Variants in ASCL1 observed in about 807,000 individuals in gnomAD.
ASCL1 encodes achaete-scute family bHLH transcription factor 1.
Under a neutral mutation model 16.1 loss-of-function variants are expected in ASCL1, and 2 were observed. That is an observed-to-expected ratio of 0.12 (90% CI 0.05 to 0.39). The LOEUF is 0.39. Among genes scored for constraint, ASCL1 ranks in the 10% least tolerant of loss-of-function variants. The pLI, the probability that ASCL1 is intolerant of heterozygous loss-of-function variation, is 0.99. For missense variants in ASCL1, 276 were observed against 336.9 expected (o/e 0.82, Z 1.41); for synonymous variants, 165 against 155.7 (o/e 1.06, Z -0.45).
At chr12:102,959,261 A>G in intron 1 of ASCL1, 101 bp from the exon 2 acceptor site, 1 of 440,028 alleles carries the variant, frequency 2.3e-6, no homozygotes. Flanking sequence ...ATGTTAAAAG[A>G]GATGTCTACC....
Position 102,958,929 on chromosome 12 carries a change from C to G in ASCL1, c.685C>G (p.Leu229Val). The G allele has an allele frequency of 6.2e-7, 1 of 1,613,760 alleles. No homozygotes were observed. Among genetic ancestry groups the G allele is most frequent in the Non-Finnish European group, 8.5e-7 (1 of 1,180,044 alleles). Residue 229 changes from leucine to valine, a missense_variant, in exon 1 of 2, where the codon CTT becomes GTT. Transcript: ENST00000266744. ...YDPLSPEEQE[L>V]LDFTNWF The stretch of plus-strand genomic sequence containing the variant: ...CCCGCTCAGCCCCGAGGAGCAGGAG[C>G]TTCTCGACTTCACCAACTGGTTCTG...
chr12:102,958,085 T>G lies in ASCL1; in HGVS notation c.-160T>G. 1 of 485,284 alleles carries G rather than the reference T, an allele frequency of 2.1e-6. No individual in the cohort carries two copies. The highest frequency in any genetic ancestry group is 2.0e-5 in the African/African-American group (1 of 49,534). The allele number at this position is 485,284 out of a possible 1,614,324, so 30.1% of individuals were successfully genotyped here. ...CACTCTAAGAAGTCTCCCGGGGATT[T>G]TGTATATATTTTTTAACTTCCGTCA... On this transcript the variant is annotated 5_prime_UTR_variant, in exon 1 of 2. Coordinates refer to ENST00000266744, the MANE Select transcript of ASCL1 (RefSeq NM_004316.4).
Position 102,958,282 on chromosome 12 carries a change from G to T in ASCL1, c.38G>T (p.Gly13Val). ...GCCAAGATGGAGAGCGGCGGCGCCG[G>T]CCAGCAGCCCCAGCCGCAGCCCCAG... ...SSAKMESGGAGQQPQPQPQQP... is the reference protein window; with the variant it reads ...SSAKMESGGAVQQPQPQPQQP... The change falls in exon 1 of 2, where the codon GGC becomes GTC. Residue 13 changes from glycine (G) to valine (V), a missense_variant. Coordinates refer to ENST00000266744, the MANE Select transcript of ASCL1 (RefSeq NM_004316.4). The T allele has an allele frequency of 1.4e-6, 2 of 1,476,078 alleles. No homozygotes were observed. Among genetic ancestry groups the T allele is most frequent in the South Asian group, 1.3e-5 (1 of 76,418 alleles). 91.4% of individuals were successfully genotyped at this position (1,476,078 alleles called of 1,614,324 possible). A position where few individuals can be genotyped will look rare whatever the true frequency, so the allele number is the denominator to read the frequency against.
rs984185259 is a variant in ASCL1, at chr12:102,958,979, G to T, written c.*24G>T. 1.2e-6 allele frequency: 2 copies of T among 1,613,218 alleles called. No homozygotes were observed. Among genetic ancestry groups the T allele is most frequent in the Middle Eastern group, 1.6e-4 (1 of 6,062 alleles). ...GAGGGGCTCGGCCTGGTCAGGCCCT[G>T]GTGCGAATGGACTTTGGAAGCAGGT... On this transcript the variant is annotated 3_prime_UTR_variant, in exon 1 of 2. Coordinates refer to ENST00000266744, the MANE Select transcript of ASCL1 (RefSeq NM_004316.4).
In ASCL1 at chr12:102,958,233, C is replaced by T; in HGVS notation, c.-12C>T. The T allele has an allele frequency of 2.1e-6, 3 of 1,460,738 alleles. 1 individual carries two copies. The highest frequency in any genetic ancestry group is 1.8e-6 in the Non-Finnish European group (2 of 1,109,936). The allele number at this position is 1,460,738 out of a possible 1,614,324, so 90.5% of individuals were successfully genotyped here. A position where few individuals can be genotyped will look rare whatever the true frequency, so the allele number is the denominator to read the frequency against. ...TCGCTCTGATTCCGCGACTCCTTGG[C>T]CGCCGCTGCGCATGGAAAGCTCTGC... On this transcript the variant is annotated 5_prime_UTR_variant, in exon 1 of 2. Transcript: ENST00000266744.
Position 102,958,439 on chromosome 12 carries a change from G to T in ASCL1, c.195G>T (p.Gln65His), listed in dbSNP as rs966671483. ...QQQQQQQQAP[Q>H]LRPAADGQPS... ...AGCAGCAGCAGCAGCAGGCGCCGCA[G>T]CTGAGACCGGCGGCCGACGGCCAGC... The change falls in exon 1 of 2, where the codon CAG becomes CAT. Residue 65 changes from glutamine (Q) to histidine (H), a missense_variant. Gln to His is a conservative substitution (Grantham distance 24, BLOSUM62 0). Transcript: ENST00000266744. 21 of 1,556,522 alleles carry T rather than the reference G, an allele frequency of 1.3e-5. No homozygotes were observed. Among genetic ancestry groups the T allele is most frequent in the Non-Finnish European group, 1.8e-5 (21 of 1,151,664 alleles).
chr12:102,959,029 G>C (rs915429685), intron 1 of ASCL1, 27 bp downstream of exon 1: 6 of 1,602,440 alleles, frequency 3.7e-6, no homozygotes, highest in Admixed American at 1.7e-5. Flanking sequence ...GGTGGGCAGG[G>C]GGGTATTCTT....
chr12:102,958,492 C>G lies in ASCL1; in HGVS notation c.248C>G (p.Pro83Arg). 6.3e-7 allele frequency: 1 copy of G among 1,593,148 alleles called. No homozygotes were observed. Among genetic ancestry groups the G allele is most frequent in the Non-Finnish European group, 8.5e-7 (1 of 1,170,426 alleles). The stretch of plus-strand genomic sequence containing the variant: ...TCAGGGGGCGGTCACAAGTCAGCGC[C>G]CAAGCAAGTCAAGCGACAGCGCTCG... Reference protein sequence around the residue: ...QPSGGGHKSAPKQVKRQRSSS... With the variant: ...QPSGGGHKSARKQVKRQRSSS... Residue 83 changes from proline to arginine, a missense_variant, in exon 1 of 2, where the codon CCC (proline) becomes CGC (arginine). Coordinates refer to ENST00000266744, the MANE Select transcript of ASCL1 (RefSeq NM_004316.4).
In ASCL1 at chr12:102,958,226, T is replaced by TC. The variant is rs1230873329; in HGVS notation, c.-17dup. The TC allele has an allele frequency of 6.2e-6, 9 of 1,459,578 alleles. No homozygotes were observed. The African/African-American group carries it at 1.2e-4, about 19-fold the overall frequency. 90.4% of individuals were successfully genotyped at this position (1,459,578 alleles called of 1,614,324 possible). A position where few individuals can be genotyped will look rare whatever the true frequency, so the allele number is the denominator to read the frequency against. The stretch of plus-strand genomic sequence containing the variant: ...TCCCGGATCGCTCTGATTCCGCGAC[T>TC]CCTTGGCCGCCGCTGCGCATGGAAA... On this transcript the variant is annotated 5_prime_UTR_variant, in exon 1 of 2. Transcript: ENST00000266744.
rs745464300 is a variant in ASCL1 at position 102,958,553 on chromosome 12, C to A, written c.309C>A (p.Leu103=). ...SPELMRCKRR[L]NFSGFGYSLP... The stretch of plus-strand genomic sequence containing the variant: ...AACTGATGCGCTGCAAACGCCGGCT[C>A]AACTTCAGCGGCTTTGGCTACAGCC... Residue 103 remains leucine (L), a synonymous_variant, in exon 1 of 2, where the codon CTC becomes CTA. Transcript: ENST00000266744. 6.2e-7 allele frequency: 1 copy of A among 1,610,592 alleles called. No individual in the cohort carries two copies. The highest frequency in any genetic ancestry group is 8.5e-7 in the Non-Finnish European group (1 of 1,178,634).
rs575230057 is a variant in ASCL1, at chr12:102,959,218, G to A, written c.*48-144G>A. ...CCAAGGAGTGAAGGGTAGTAGTGAG[G>A]TGCAGAGATACTGGTGAACCGAATA... On this transcript the variant is annotated intron_variant, in intron 1 of 1. Coordinates refer to ENST00000266744, the MANE Select transcript of ASCL1 (RefSeq NM_004316.4). 312 of 545,400 alleles carry A rather than the reference G, an allele frequency of 5.7e-4. 5 individuals carry two copies. Among genetic ancestry groups the A allele is most frequent in the South Asian group, 4.2e-3 (206 of 49,266 alleles). The allele number at this position is 545,400 out of a possible 1,614,324, so 33.8% of individuals were successfully genotyped here.
In ASCL1 at chr12:102,958,946, C is replaced by T. The variant is rs755868552; in HGVS notation, c.702C>T (p.Asn234=). The part of the protein sequence containing the change: ...PEEQELLDFT[N]WF ...AGCAGGAGCTTCTCGACTTCACCAA[C>T]TGGTTCTGAGGGGCTCGGCCTGGTC... is the stretch of plus-strand genomic sequence containing the variant. Residue 234 remains asparagine, a synonymous_variant, in exon 1 of 2, where the codon AAC becomes AAT. Coordinates refer to ENST00000266744, the MANE Select transcript of ASCL1 (RefSeq NM_004316.4). 13 of 1,613,682 alleles carry T rather than the reference C, an allele frequency of 8.1e-6. No individual in the cohort carries two copies. Among genetic ancestry groups the T allele is most frequent in the Non-Finnish European group, 1.0e-5 (12 of 1,180,054 alleles).
At position 102,958,352 on chromosome 12, in the gene ASCL1, AGCC is replaced by A. The variant is rs1376433604; in HGVS notation, c.111_113del (p.Ala47del). 1.2e-5 allele frequency: 17 copies of A among 1,430,700 alleles called. No individual in the cohort carries two copies. In the East Asian group the frequency reaches 4.2e-4, roughly 35 times the overall value. 88.6% of individuals were successfully genotyped at this position (1,430,700 alleles called of 1,614,324 possible). Reference sequence around the variant, plus strand: ...CAGCCTGTTTCTTTGCCACGGCCGCAGCCGCGGCGGCCGCAGCCGCCGCAGCGG... The same window carrying A: ...CAGCCTGTTTCTTTGCCACGGCCGCAGCGGCGGCCGCAGCCGCCGCAGCGG... On this transcript the variant is annotated inframe_deletion, in exon 1 of 2. Transcript: ENST00000266744.
chr12:102,958,340 TGCCACG>T lies in ASCL1; in HGVS notation c.100_105del (p.Thr34_Ala35del). On this transcript the variant is annotated inframe_deletion, in exon 1 of 2. Transcript: ENST00000266744. ...TCCTGCCGCCCGCAGCCTGTTTCTT[TGCCACG>T]GCCGCAGCCGCGGCGGCCGCAGCCG... is the stretch of plus-strand genomic sequence containing the variant. 1 of 1,458,210 alleles carries T rather than the reference TGCCACG, an allele frequency of 6.9e-7. No homozygotes were observed. Among genetic ancestry groups the T allele is most frequent in the Non-Finnish European group, 9.0e-7 (1 of 1,110,140 alleles). The allele number at this position is 1,458,210 out of a possible 1,614,324, so 90.3% of individuals were successfully genotyped here. A position where few individuals can be genotyped will look rare whatever the true frequency, so the allele number is the denominator to read the frequency against.
In ASCL1 at chr12:102,958,474, G is replaced by A. The variant is rs964938865; in HGVS notation, c.230G>A (p.Gly77Asp). ...RPAADGQPSG[G>D]GHKSAPKQVK... ...GCGGCCGACGGCCAGCCCTCAGGGG[G>A]CGGTCACAAGTCAGCGCCCAAGCAA... The change falls in exon 1 of 2, where the codon GGC becomes GAC. Residue 77 changes from glycine to aspartate, a missense_variant. Gly to Asp is a moderately conservative substitution (Grantham distance 94, BLOSUM62 -1). Coordinates refer to ENST00000266744, the MANE Select transcript of ASCL1 (RefSeq NM_004316.4). 8.2e-6 allele frequency: 13 copies of A among 1,577,842 alleles called. No individual in the cohort carries two copies. Among genetic ancestry groups the A allele is most frequent in the Non-Finnish European group, 1.1e-5 (13 of 1,162,986 alleles).
At position 102,958,549 on chromosome 12, in the gene ASCL1, G is replaced by T. The variant is rs1298930754; in HGVS notation, c.305G>T (p.Arg102Leu). ...SSPELMRCKR[R>L]LNFSGFGYSL... ...CCCGAACTGATGCGCTGCAAACGCC[G>T]GCTCAACTTCAGCGGCTTTGGCTAC... The change falls in exon 1 of 2, where the codon CGG (arginine) becomes CTG (leucine). Residue 102 changes from arginine to leucine, a missense_variant. By Grantham distance (102) the Arg-to-Leu change is moderately radical. Around this residue, in one of 3 missense-constraint regions of ASCL1, gnomAD observed 178 missense variants for 167.0 expected, o/e 1.07. Transcript: ENST00000266744. 1 of 1,610,458 alleles carries T rather than the reference G, an allele frequency of 6.2e-7. No homozygotes were observed.
intron 1 of ASCL1, among the ~76,000 whole-genome samples, 176 bp downstream of exon 1, chr12:102,959,178 G>A (rs1880040853): frequency 6.6e-6 from 1 of 152,198 alleles, no homozygotes; most frequent in Non-Finnish European, 1.5e-5. Flanking sequence ...TCTGAAAATG[G>A]CCTTGCCCAG....
In ASCL1 at chr12:102,960,101, A is replaced by C. The variant is rs1164084042; in HGVS notation, c.*787A>C. ...TAGAAGTTTTGTACAAATGGTTTAA[A>C]ATGTGTATATCTTGATACTTTAACA... On this transcript the variant is annotated 3_prime_UTR_variant, in exon 2 of 2. Coordinates refer to ENST00000266744, the MANE Select transcript of ASCL1 (RefSeq NM_004316.4). 1 of 152,648 alleles carries C rather than the reference A, an allele frequency of 6.6e-6. No individual in the cohort carries two copies. Among genetic ancestry groups the C allele is most frequent in the Non-Finnish European group, 1.5e-5 (1 of 68,046 alleles). 9.5% of individuals were successfully genotyped at this position (152,648 alleles called of 1,614,324 possible).
chr12:102,958,320 C>A lies in ASCL1; in HGVS notation c.76C>A (p.Pro26Thr). Reference sequence around the variant, plus strand: ...GCCGCAGCCCCAGCAGCCCTTCCTGCCGCCCGCAGCCTGTTTCTTTGCCAC... The same window carrying A: ...GCCGCAGCCCCAGCAGCCCTTCCTGACGCCCGCAGCCTGTTTCTTTGCCAC... ...PQPQPQQPFL[P>T]PAACFFATAA... is the part of the protein sequence containing the mutation. The change falls in exon 1 of 2, where the codon CCG (proline) becomes ACG (threonine). Residue 26 changes from proline to threonine, a missense_variant. Physicochemically the swap from Pro to Thr is conservative, Grantham distance 38 (BLOSUM62 -1). Around this residue, in one of 3 missense-constraint regions of ASCL1, gnomAD observed 178 missense variants for 167.0 expected, o/e 1.07. Transcript: ENST00000266744. 1 of 1,470,678 alleles carries A rather than the reference C, an allele frequency of 6.8e-7. No homozygotes were observed. 91.1% of individuals were successfully genotyped at this position (1,470,678 alleles called of 1,614,324 possible).
Sources: allele counts gnomAD v4.1 joint callset (sites outside exome capture counted in the v4.1 genomes callset), GRCh38; gene constraint gnomAD v4.1.1; regional missense constraint gnomAD v4.1.1; transcripts MANE v1.5; gene names NCBI Gene and HGNC (gene_info 2026-07-23, HGNC 2026-07-21).